Variants in DLD observed in about 807,000 individuals in gnomAD.
DLD encodes dihydrolipoyl dehydrogenase, mitochondrial.
A neutral mutation model predicts 62.2 loss-of-function variants in DLD; 36 were observed. The observed-to-expected ratio is 0.58, with a 90% confidence interval of 0.44 to 0.76. DLD has a LOEUF of 0.76. DLD is among the 30% of genes least tolerant of loss of function. The pLI, the probability that DLD is intolerant of heterozygous loss-of-function variation, is 0.00. For missense variants in DLD, 541 were observed against 608.6 expected (o/e 0.89, Z 1.17); for synonymous variants, 204 against 199.6 (o/e 1.02, Z -0.19).
At chr7:107,903,182 T>G (rs2031919351) in intron 4 of DLD, among the ~76,000 whole-genome samples, 2 of 152,154 alleles carry the variant, frequency 1.3e-5, no homozygotes, top group East Asian at 1.9e-4. Flanking sequence ...GTGGATCACC[T>G]GAGGCTGGGA....
chr7:107,908,307 C>T lies in DLD; in HGVS notation c.684+1939C>T, dbSNP rs187852623. On this transcript the variant is annotated intron_variant, in intron 8 of 13. Coordinates refer to ENST00000205402, the MANE Select transcript of DLD (RefSeq NM_000108.5). The stretch of plus-strand genomic sequence containing the variant: ...CTGAGACTACAGGCGCCCGCCAGCA[C>T]GCCCGGCTAATTTTTGTATTTTTAG... Among the ~76,000 whole-genome samples the T allele has an allele frequency of 3.9e-3, 585 of 151,758 alleles. 17 individuals carry two copies. In the East Asian group the frequency reaches 0.067, roughly 17 times the overall value.
At chr7:107,906,749 C>T (rs1338059186) in intron 8 of DLD, among the ~76,000 whole-genome samples, 2 of 152,178 alleles carry the variant, frequency 1.3e-5, no homozygotes, top group Admixed American at 1.3e-4. Flanking sequence ...TCTCTATCCT[C>T]ATCTTGATGC....
At position 107,902,342 on chromosome 7, in the gene DLD, A is replaced by G. The variant is rs767610116; in HGVS notation, c.216A>G (p.Lys72=). The change falls in exon 4 of 14, where the codon AAA becomes AAG. Residue 72 remains lysine, a synonymous_variant. Coordinates refer to ENST00000205402, the MANE Select transcript of DLD (RefSeq NM_000108.5). The stretch of plus-strand genomic sequence containing the variant: ...GGTTGTAGACAGTCTGCATTGAGAA[A>G]AATGAAACACTTGGTGGAACATGCT... ...QLGFKTVCIE[K]NETLGGTCLN... The G allele has an allele frequency of 1.2e-6, 2 of 1,613,946 alleles. No homozygotes were observed. The highest frequency in any genetic ancestry group is 8.5e-7 in the Non-Finnish European group (1 of 1,179,894).
At chr7:107,918,632 C>G (rs551406362) in intron 12 of DLD, among the ~76,000 whole-genome samples, 1 of 152,272 alleles carries the variant, frequency 6.6e-6, no homozygotes, top group African/African-American at 2.4e-5. Flanking sequence ...TTGTAGATAT[C>G]TCTTGTATCT....
At chr7:107,893,138 C>G in intron 1 of DLD, 62 bp from the exon 2 acceptor site, 1 of 1,402,404 alleles carries the variant, frequency 7.1e-7, no homozygotes, top group Non-Finnish European at 1.0e-6. Flanking sequence ...TTATCATCAA[C>G]CTTCAGTAGT....
chr7:107,897,475 A>G (rs781285741), intron 2 of DLD, among the ~76,000 whole-genome samples: 42 of 152,104 alleles, frequency 2.8e-4, no homozygotes, highest in Non-Finnish European at 6.0e-4. Flanking sequence ...AAACTATGTC[A>G]TAGAAATGTA....
At chr7:107,900,450 T>C (rs1284168694) in intron 2 of DLD, among the ~76,000 whole-genome samples, 1 of 152,170 alleles carries the variant, frequency 6.6e-6, no homozygotes, top group African/African-American at 2.4e-5. Flanking sequence ...GTTATCACCC[T>C]ATGAAGTAGG....
intron 5 of DLD, 169 bp from the exon 6 acceptor site, chr7:107,904,789 C>T (rs1428922357): frequency 5.9e-6 from 4 of 674,806 alleles, no homozygotes; most frequent in African/African-American, 5.3e-5. Context: ...TTCTGTGATA[C>T]AATGATGTTG....
intron 8 of DLD, among the ~76,000 whole-genome samples, chr7:107,910,436 TTTAA>T (rs1363117778): frequency 6.6e-6 from 1 of 152,246 alleles, no homozygotes; most frequent in Non-Finnish European, 1.5e-5. Context: ...TACATGTCTT[TTTAA>T]AAACTTATTA....
chr7:107,905,239 C>T, intron 6 of DLD, 122 bp from the exon 7 acceptor site: 1 of 1,124,546 alleles, frequency 8.9e-7, no homozygotes, highest in South Asian at 1.3e-5. Flanking sequence ...CATGGTGTAG[C>T]ATTACTAAGT....
At chr7:107,905,085 C>T in intron 6 of DLD, 27 bp downstream of exon 6, 2 of 1,494,428 alleles carry the variant, frequency 1.3e-6, no homozygotes, top group South Asian at 1.1e-5. Context: ...CAGATTTCTG[C>T]TTTACTTTGA....
At chr7:107,916,182 C>T (rs746830602) in intron 9 of DLD, among the ~76,000 whole-genome samples, 28 of 152,248 alleles carry the variant, frequency 1.8e-4, no homozygotes, top group African/African-American at 6.7e-4. Flanking sequence ...TAATGACTAA[C>T]TTGTCACACA....
intron 11 of DLD, among the ~76,000 whole-genome samples, 180 bp downstream of exon 11, chr7:107,917,642 A>G (rs1004560753): frequency 1.3e-5 from 2 of 152,234 alleles, no homozygotes; most frequent in African/African-American, 4.8e-5. Context: ...TATCAGCAGT[A>G]ATTGAGAGGA....
chr7:107,902,334 A>G lies in DLD; in HGVS notation c.208A>G (p.Ile70Val), dbSNP rs2116209901. 4.3e-6 allele frequency: 7 copies of G among 1,613,806 alleles called. No individual in the cohort carries two copies. Among genetic ancestry groups the G allele is most frequent in the Non-Finnish European group, 5.9e-6 (7 of 1,179,778 alleles). ...AAQLGFKTVC[I>V]EKNETLGGTC... ...TTTTCTTTGGTTGTAGACAGTCTGC[A>G]TTGAGAAAAATGAAACACTTGGTGG... Residue 70 changes from isoleucine (I) to valine (V), a missense_variant, in exon 4 of 14, where the codon ATT becomes GTT. Ile to Val is a conservative substitution (Grantham distance 29). Transcript: ENST00000205402.
Position 107,906,322 on chromosome 7 carries a change from C to T in DLD, c.638C>T (p.Pro213Leu). ...STGALSLKKV[P>L]EKMVVIGAGV... is the part of the protein sequence containing the mutation. ...GGTGCTTTATCTTTAAAAAAAGTTCCAGAAAAGATGGTTGTTATTGGTGCA... is the reference window on the plus strand; with the variant it reads ...GGTGCTTTATCTTTAAAAAAAGTTCTAGAAAAGATGGTTGTTATTGGTGCA... Residue 213 changes from proline to leucine, a missense_variant, in exon 8 of 14, where the codon CCA becomes CTA. By Grantham distance (98) the Pro-to-Leu change is moderately conservative. Transcript: ENST00000205402. 1 of 1,611,274 alleles carries T rather than the reference C, an allele frequency of 6.2e-7. No homozygotes were observed. The highest frequency in any genetic ancestry group is 8.5e-7 in the Non-Finnish European group (1 of 1,177,610).
rs150165914 is a variant in DLD, at chr7:107,912,871, C to T, written c.685-2635C>T. Among the ~76,000 whole-genome samples the T allele has an allele frequency of 3.9e-5, 6 of 152,204 alleles. No individual in the cohort carries two copies. In the East Asian group the frequency reaches 9.6e-4, roughly 24 times the overall value. On this transcript the variant is annotated intron_variant, in intron 8 of 13. Coordinates refer to ENST00000205402, the MANE Select transcript of DLD (RefSeq NM_000108.5). ...TGAGGTCTTACACAGTAAGTCTTTG[C>T]CCAGACCAGTGTCCTGGAGCATTTC...
intron 8 of DLD, among the ~76,000 whole-genome samples, chr7:107,909,570 A>G (rs1319284415): frequency 1.3e-5 from 2 of 152,216 alleles, no homozygotes; most frequent in African/African-American, 2.4e-5. Context: ...AAAATATACT[A>G]CATTCACCAG....
Position 107,915,614 on chromosome 7 carries a change from C to T in DLD, c.793C>T (p.Leu265Phe). Reference sequence around the variant, plus strand: ...GATATCTAAAAACTTTCAACGCATCCTTCAAAAACAGGGGTTTAAATTTAA... The same window carrying T: ...GATATCTAAAAACTTTCAACGCATCTTTCAAAAACAGGGGTTTAAATTTAA... Reference protein sequence around the residue: ...MEISKNFQRILQKQGFKFKLN... With the variant: ...MEISKNFQRIFQKQGFKFKLN... The change falls in exon 9 of 14, where the codon CTT (leucine) becomes TTT (phenylalanine). Residue 265 changes from leucine to phenylalanine, a missense_variant. Coordinates refer to ENST00000205402, the MANE Select transcript of DLD (RefSeq NM_000108.5). 1.2e-6 allele frequency: 2 copies of T among 1,613,548 alleles called. No individual in the cohort carries two copies. Among genetic ancestry groups the T allele is most frequent in the African/African-American group, 1.3e-5 (1 of 74,960 alleles).
chr7:107,904,359 T>A (rs1409845365), intron 5 of DLD, among the ~76,000 whole-genome samples: 1 of 152,112 alleles, frequency 6.6e-6, no homozygotes, highest in Non-Finnish European at 1.5e-5. Context: ...TCTCTCAGAG[T>A]CTCTTTTTCC....
Sources: gnomAD v4.1 joint callset for allele counts (sites outside exome capture counted in the v4.1 genomes callset) on GRCh38, gnomAD v4.1.1 for gene constraint, MANE v1.5 for transcripts, NCBI Gene and HGNC (gene_info 2026-07-23, HGNC 2026-07-21) for gene names.